The following RFX4 variants were observed in gnomAD, a reference collection of about 807,000 sequenced individuals.
The protein encoded by RFX4 is regulatory factor X4.
RFX4 carries 10 observed loss-of-function variants against 95.0 expected under a neutral mutation model. The observed-to-expected ratio is 0.11, with a 90% CI of 0.06 to 0.18. The LOEUF is 0.18. Ranked by LOEUF, RFX4 falls within the 10% of genes least tolerant of loss-of-function variation. RFX4 has a pLI of 1.00. For missense variants in RFX4, 640 were observed against 922.0 expected (o/e 0.69, Z 3.96); for synonymous variants, 321 against 340.7 (o/e 0.94, Z 0.64).
At chr12:106,670,085 C>A (rs930727650) in intron 4 of RFX4, among the ~76,000 whole-genome samples, 2 of 152,060 alleles carry the variant, frequency 1.3e-5, no homozygotes, top group Admixed American at 6.5e-5. Context: ...TAGCACAGAG[C>A]CTGTAATTAT....
chr12:106,608,854 C>T lies in RFX4; in HGVS notation c.101C>T (p.Thr34Ile). 1.2e-6 allele frequency: 2 copies of T among 1,612,168 alleles called. No individual in the cohort carries two copies. The highest frequency in any genetic ancestry group is 8.5e-7 in the Non-Finnish European group (1 of 1,179,566). ...GAAAACAAACGTTATTCCAGCCACACATCTCTGGGGAATGTTTCTAATGAT... is the reference window on the plus strand; with the variant it reads ...GAAAACAAACGTTATTCCAGCCACATATCTCTGGGGAATGTTTCTAATGAT... ...ESENKRYSSH[T>I]SLGNVSNDEN... Residue 34 changes from threonine (T) to isoleucine (I), a missense_variant, in exon 2 of 18, where the codon ACA (threonine) becomes ATA (isoleucine). Coordinates refer to ENST00000392842, the MANE Select transcript of RFX4 (RefSeq NM_213594.3).
At chr12:106,736,513 A>G (rs2042711597) in intron 15 of RFX4, among the ~76,000 whole-genome samples, 1 of 152,124 alleles carries the variant, frequency 6.6e-6, no homozygotes, top group African/African-American at 2.4e-5. Context: ...GAAAAAGGGC[A>G]CGGAGGATGA....
chr12:106,606,676 T>C (rs1169875882), intron 1 of RFX4, among the ~76,000 whole-genome samples: 1 of 152,190 alleles, frequency 6.6e-6, no homozygotes, highest in African/African-American at 2.4e-5. Flanking sequence ...CTGGGAAATA[T>C]CAGATTTCCA....
intron 4 of RFX4, among the ~76,000 whole-genome samples, chr12:106,657,580 G>T (rs2040984711): frequency 1.3e-5 from 2 of 152,326 alleles, no homozygotes; most frequent in South Asian, 4.1e-4. Context: ...TAGCTGAACT[G>T]GTCTTGTGCC....
chr12:106,588,866 C>G (rs1176980795), intron 1 of RFX4, among the ~76,000 whole-genome samples: 1 of 152,142 alleles, frequency 6.6e-6, no homozygotes, highest in Admixed American at 6.5e-5. Context: ...TCTTTCATTT[C>G]CAACATTTTA....
chr12:106,708,770 G>A (rs1565989239), intron 8 of RFX4, among the ~76,000 whole-genome samples: 1 of 152,106 alleles, frequency 6.6e-6, no homozygotes, highest in African/African-American at 2.4e-5. Context: ...TCAGTGCTTC[G>A]CCTCTCCAGT....
rs185117312 is a variant in RFX4, at chr12:106,675,775, G to A, written c.316-6218G>A. 3.8e-3 allele frequency among the ~76,000 whole-genome samples: 577 copies of A among 152,302 alleles called. 6 individuals carry two copies. The highest frequency in any genetic ancestry group is 4.1e-3 in the Non-Finnish European group (276 of 68,020). On this transcript the variant is annotated intron_variant, in intron 4 of 17. Transcript: ENST00000392842. ...AAAAGGGTGTGAAGAGAGGGCTCTG[G>A]ACAATGAGAACATCCTGTGGGAAGG...
chr12:106,720,944 T>A lies in RFX4; in HGVS notation c.1351+68T>A. 7.5e-7 allele frequency: 1 copy of A among 1,336,632 alleles called. No homozygotes were observed. Among genetic ancestry groups the A allele is most frequent in the Non-Finnish European group, 1.1e-6 (1 of 931,660 alleles). The allele number at this position is 1,336,632 out of a possible 1,614,324, so 82.8% of individuals were successfully genotyped here. On this transcript the variant is annotated intron_variant, in intron 13 of 17. Transcript: ENST00000392842. This position sits in a 1 kb window ranked among gnomAD's most constrained non-coding sequence, Gnocchi z 4.2. ...TCTGGGCACGGAGCCCAGAGGAATC[T>A]ACCACAGTCTAACTTGCTGTTTCTG...
intron 2 of RFX4, among the ~76,000 whole-genome samples, chr12:106,615,190 T>C (rs1322571955): frequency 6.6e-6 from 1 of 152,120 alleles, no homozygotes; most frequent in African/African-American, 2.4e-5. Flanking sequence ...GTTCTTTTTT[T>C]TCTTATTAAT....
intron 2 of RFX4, among the ~76,000 whole-genome samples, chr12:106,636,845 C>T (rs1226262840): frequency 6.6e-6 from 1 of 152,092 alleles, no homozygotes; most frequent in Non-Finnish European, 1.5e-5. Context: ...CAATCAGAGC[C>T]CCCAGGCTTT....
intron 5 of RFX4, among the ~76,000 whole-genome samples, chr12:106,686,030 C>A (rs1232851873): frequency 6.6e-6 from 1 of 152,208 alleles, no homozygotes; most frequent in East Asian, 1.9e-4. Flanking sequence ...AAGTTCTGGT[C>A]TTCGCTTTAC....
chr12:106,737,999 G>C (rs1233401714), intron 15 of RFX4, among the ~76,000 whole-genome samples: 1 of 152,162 alleles, frequency 6.6e-6, no homozygotes, highest in Non-Finnish European at 1.5e-5. Context: ...GTAGTGAAAA[G>C]AATGACTTTG....
At chr12:106,700,181 G>A (rs907132891) in intron 8 of RFX4, among the ~76,000 whole-genome samples, 7 of 151,946 alleles carry the variant, frequency 4.6e-5, no homozygotes, top group Non-Finnish European at 1.0e-4. Flanking sequence ...ACAGGCATGT[G>A]CCACTAAGCC....
chr12:106,714,750 T>C (rs1024561685), intron 10 of RFX4, among the ~76,000 whole-genome samples: 1 of 152,100 alleles, frequency 6.6e-6, no homozygotes, highest in Non-Finnish European at 1.5e-5. Flanking sequence ...TACATATATA[T>C]AATTATTCAC....
chr12:106,609,504 CA>C (rs1475329192), intron 2 of RFX4, among the ~76,000 whole-genome samples: 3 of 152,148 alleles, frequency 2.0e-5, no homozygotes, highest in African/African-American at 7.2e-5. Context: ...TTTGCAGAGT[CA>C]GAAGTGTCTT....
chr12:106,729,589 T>A (rs759077249), intron 13 of RFX4, among the ~76,000 whole-genome samples: 2 of 152,202 alleles, frequency 1.3e-5, no homozygotes, highest in Admixed American at 6.5e-5. Context: ...CTACTTTACC[T>A]CCCTAAGCCT....
intron 7 of RFX4, among the ~76,000 whole-genome samples, chr12:106,694,505 C>A (rs1435851654): frequency 6.6e-6 from 1 of 152,170 alleles, no homozygotes; most frequent in Non-Finnish European, 1.5e-5. Context: ...TAGGGAGAGA[C>A]ATGGGCCTCA....
intron 10 of RFX4, among the ~76,000 whole-genome samples, chr12:106,714,406 C>A (rs2042250543): frequency 6.6e-6 from 1 of 152,148 alleles, no homozygotes; most frequent in Admixed American, 6.6e-5. Flanking sequence ...ACCTTTGTGA[C>A]CTTTAAAGAG....
At chr12:106,626,137 C>T (rs1448221899) in intron 2 of RFX4, among the ~76,000 whole-genome samples, 1 of 152,202 alleles carries the variant, frequency 6.6e-6, no homozygotes, top group East Asian at 1.9e-4. Flanking sequence ...TGATCCTGGC[C>T]TATAGCATAG....
Sources: gnomAD v4.1 joint callset for allele counts (sites outside exome capture counted in the v4.1 genomes callset) on GRCh38, gnomAD v4.1.1 for gene constraint, Gnocchi (gnomAD v3.1) non-coding constraint, MANE v1.5 for transcripts, NCBI Gene and HGNC (gene_info 2026-07-23, HGNC 2026-07-21) for gene names.